Variants in FER observed in about 807,000 individuals in gnomAD.
The protein encoded by FER is tyrosine-protein kinase Fer.
Under a neutral mutation model 111.0 loss-of-function variants are expected in FER, and 63 were observed. That is an observed-to-expected ratio of 0.57 (90% CI 0.46 to 0.70). FER has a LOEUF of 0.70. FER is among the 30% of genes least tolerant of loss of function. The pLI is 0.00. For missense variants in FER, 914 were observed against 954.0 expected (o/e 0.96, Z 0.55); for synonymous variants, 327 against 313.9 (o/e 1.04, Z -0.44).
At chr5:109,011,598 C>G (rs1766276086) in intron 13 of FER, among the ~76,000 whole-genome samples, 1 of 152,200 alleles carries the variant, frequency 6.6e-6, no homozygotes, top group Non-Finnish European at 1.5e-5. Context: ...ATCCTTCTCT[C>G]ACAAGGCATT....
chr5:108,855,537 C>A (rs186682257), intron 5 of FER, among the ~76,000 whole-genome samples: 1 of 145,592 alleles, frequency 6.9e-6, no homozygotes, highest in Non-Finnish European at 1.5e-5. Flanking sequence ...AGGAGAATGG[C>A]GTGAACCCGG....
intron 5 of FER, among the ~76,000 whole-genome samples, chr5:108,839,829 C>T (rs1001343507): frequency 3.9e-5 from 6 of 151,958 alleles, no homozygotes; most frequent in African/African-American, 1.2e-4. Context: ...CGCCTGCCTT[C>T]GCCTCCCAAA....
intron 14 of FER, among the ~76,000 whole-genome samples, chr5:109,044,062 A>G (rs1298688556): frequency 1.3e-5 from 2 of 152,178 alleles, no homozygotes; most frequent in African/African-American, 4.8e-5. Context: ...AATACTCAAG[A>G]ATAGCTGTTG....
intron 13 of FER, among the ~76,000 whole-genome samples, chr5:109,028,656 G>A (rs995288129): frequency 2.0e-5 from 3 of 152,162 alleles, no homozygotes; most frequent in Admixed American, 2.0e-4. Flanking sequence ...TGATCCACTA[G>A]AAAGGCTCAC....
chr5:109,008,633 A>G (rs1299320736), intron 13 of FER, among the ~76,000 whole-genome samples: 1 of 151,982 alleles, frequency 6.6e-6, no homozygotes, highest in Non-Finnish European at 1.5e-5. Flanking sequence ...TTAAAAAAAT[A>G]TTTTGCGTAT....
In FER at chr5:108,974,472, C is replaced by A. The variant is rs1313915369; in HGVS notation, c.1656+15125C>A. On this transcript the variant is annotated intron_variant, in intron 13 of 19. Transcript: ENST00000281092. ...ATTTGAAGGATTCTATCTTATACAC[C>A]TGGAGTGGAGACTACATTAGTCATC... is the stretch of plus-strand genomic sequence containing the variant. Among the ~76,000 whole-genome samples the A allele has an allele frequency of 2.3e-4, 35 of 152,092 alleles. 1 individual carries two copies. The highest frequency in any genetic ancestry group is 2.3e-3 in the Admixed American group (35 of 15,258).
intron 2 of FER, among the ~76,000 whole-genome samples, chr5:108,786,657 C>T (rs561623184): frequency 5.9e-5 from 9 of 152,166 alleles, no homozygotes; most frequent in South Asian, 2.1e-4. Flanking sequence ...CCTGCTAGCA[C>T]GCCCAGCTAA....
chr5:109,107,239 A>C (rs1196246617), intron 17 of FER, among the ~76,000 whole-genome samples: 1 of 152,202 alleles, frequency 6.6e-6, no homozygotes, highest in Admixed American at 6.5e-5. Context: ...GTGATCTTTT[A>C]CATTAAACAA....
chr5:108,794,561 A>G (rs905914848), intron 2 of FER, among the ~76,000 whole-genome samples: 1 of 117,604 alleles, frequency 8.5e-6, no homozygotes, highest in Non-Finnish European at 1.6e-5. Flanking sequence ...CATTTCTTAT[A>G]GGACTAGTGT....
At chr5:108,828,570 G>A (rs1033634267) in intron 3 of FER, among the ~76,000 whole-genome samples, 4 of 152,034 alleles carry the variant, frequency 2.6e-5, no homozygotes, top group Admixed American at 1.3e-4. Flanking sequence ...AATTTTAACA[G>A]TGTTTTTTCC....
intron 11 of FER, among the ~76,000 whole-genome samples, chr5:108,954,186 A>G (rs3797823): frequency 0.26 from 39,421 of 151,866 alleles, 5,577 homozygotes; most frequent in African/African-American, 0.38. Context: ...GCCATGTGGC[A>G]GAGGTAATGG....
intron 13 of FER, among the ~76,000 whole-genome samples, chr5:109,022,072 A>G (rs1360622919): frequency 2.0e-5 from 3 of 152,118 alleles, no homozygotes; most frequent in Admixed American, 2.0e-4. Context: ...GCAGTCTACC[A>G]GTTACACCCT....
intron 13 of FER, among the ~76,000 whole-genome samples, chr5:108,974,316 A>G (rs13358819): frequency 0.043 from 6,488 of 152,262 alleles, 169 homozygotes; most frequent in South Asian, 0.075. Context: ...AGTTGAGGAA[A>G]GGACAAAAGG....
At chr5:108,886,007 A>G (rs920971013) in intron 9 of FER, among the ~76,000 whole-genome samples, 1 of 151,924 alleles carries the variant, frequency 6.6e-6, no homozygotes, top group Non-Finnish European at 1.5e-5. Context: ...TTTATAGATG[A>G]CCAAGTGGTT....
rs946426705 is a variant in FER, at chr5:108,959,318, G to A, written c.1627G>A (p.Gly543Ser). ...TTKQVITKKS[G>S]VVLLNPIPKD... Reference sequence around the variant, plus strand: ...AAAACAGGTCATCACTAAGAAATCAGGTGTAGTTCTGCTGAATCCTATTCC... The same window carrying A: ...AAAACAGGTCATCACTAAGAAATCAAGTGTAGTTCTGCTGAATCCTATTCC... Residue 543 changes from glycine (G) to serine (S), a missense_variant, in exon 13 of 20, where the codon GGT becomes AGT. Around this residue, in one of 3 missense-constraint regions of FER, gnomAD observed 774 missense variants for 782.6 expected, o/e 0.99. Coordinates refer to ENST00000281092, the MANE Select transcript of FER (RefSeq NM_005246.4). 1.2e-6 allele frequency: 2 copies of A among 1,611,554 alleles called. No individual in the cohort carries two copies. Among genetic ancestry groups the A allele is most frequent in the Non-Finnish European group, 1.7e-6 (2 of 1,178,514 alleles).
intron 5 of FER, among the ~76,000 whole-genome samples, chr5:108,864,337 G>C (rs1022327148): frequency 1.3e-5 from 2 of 152,160 alleles, no homozygotes; most frequent in Non-Finnish European, 1.5e-5. Context: ...GGGATGATGA[G>C]AAAGCAAGGG....
At chr5:109,124,595 T>A (rs565703578) in intron 17 of FER, among the ~76,000 whole-genome samples, 1,708 of 148,662 alleles carry the variant, frequency 0.011, 26 homozygotes, top group Non-Finnish European at 0.016. Context: ...GTTTTGTTGT[T>A]GTTGTTGTTG....
At chr5:109,140,762 C>T (rs928852506) in intron 17 of FER, among the ~76,000 whole-genome samples, 2 of 152,070 alleles carry the variant, frequency 1.3e-5, no homozygotes, top group Admixed American at 6.6e-5. Context: ...ATAGTCTGAG[C>T]CATCTGATAA....
chr5:109,182,616 T>G (rs907931513), intron 18 of FER, among the ~76,000 whole-genome samples: 1 of 152,210 alleles, frequency 6.6e-6, no homozygotes, highest in Non-Finnish European at 1.5e-5. Context: ...TGGGAGTCCT[T>G]GAATTTGCTC....
Sources: gnomAD v4.1 joint callset for allele counts (sites outside exome capture counted in the v4.1 genomes callset) on GRCh38, gnomAD v4.1.1 for gene constraint, gnomAD v4.1.1 regional missense constraint, MANE v1.5 for transcripts, NCBI Gene and HGNC (gene_info 2026-07-23, HGNC 2026-07-21) for gene names.